HIVEP1: variants seen among roughly 807,000 people sequenced by gnomAD.
HIVEP1 encodes the protein HIVEP zinc finger 1.
Under a neutral mutation model 180.0 loss-of-function variants are expected in HIVEP1, and 36 were observed. That is an observed-to-expected ratio of 0.20 (90% CI 0.15 to 0.26). The LOEUF is 0.26. Among genes scored for constraint, HIVEP1 ranks in the 10% least tolerant of loss-of-function variants. The pLI is 1.00. For synonymous variants in HIVEP1, 1,239 were observed against 1,239.0 expected (o/e 1.00, Z 0.00); for missense variants, 3,143 against 3,268.7 (o/e 0.96, Z 0.94).
chr6:12,058,179 G>C (rs1031234970), intron 2 of HIVEP1, among the ~76,000 whole-genome samples: 2 of 152,042 alleles, frequency 1.3e-5, no homozygotes, highest in Non-Finnish European at 2.9e-5. Context: ...ATGTAAGGGG[G>C]CTTTGGTCTG....
At chr6:12,102,251 T>A (rs761770837) in intron 3 of HIVEP1, among the ~76,000 whole-genome samples, 1 of 152,168 alleles carries the variant, frequency 6.6e-6, no homozygotes, top group Admixed American at 6.5e-5. Flanking sequence ...GTAAGCCAAG[T>A]AGACCTAAAT....
chr6:12,125,414 T>C lies in HIVEP1; in HGVS notation c.5619T>C (p.Ser1873=). Residue 1873 remains serine, a synonymous_variant, in exon 4 of 9, where the codon AGT becomes AGC. Coordinates refer to ENST00000379388, the MANE Select transcript of HIVEP1 (RefSeq NM_002114.4). ...CATCATTAACTCTTACAGTTCGAAG[T>C]TCACCTGCTCCTTCAGAAAATACTC... ...SSTSLTLTVR[S]SPAPSENTHI... is the part of the protein sequence containing the mutation. 6.2e-7 allele frequency: 1 copy of C among 1,614,038 alleles called. No individual in the cohort carries two copies. Among genetic ancestry groups the C allele is most frequent in the Non-Finnish European group, 8.5e-7 (1 of 1,179,928 alleles).
intron 2 of HIVEP1, among the ~76,000 whole-genome samples, chr6:12,058,324 C>T (rs1318735275): frequency 6.6e-6 from 1 of 151,998 alleles, no homozygotes; most frequent in East Asian, 1.9e-4. Flanking sequence ...TTCATCCAGT[C>T]ATGTGTTTAG....
At chr6:12,133,670 C>T (rs1166681992) in intron 6 of HIVEP1, among the ~76,000 whole-genome samples, 1 of 152,116 alleles carries the variant, frequency 6.6e-6, no homozygotes, top group African/African-American at 2.4e-5. Flanking sequence ...CAATGGCTGT[C>T]TATCTAGGGA....
the HIVEP1 span, among the ~76,000 whole-genome samples, chr6:12,186,729 C>G: frequency 9.2e-5 from 14 of 152,024 alleles, no homozygotes; most frequent in Middle Eastern, 3.2e-3. Context: ...ATGAAAGTTA[C>G]TAGACATGCA....
At chr6:12,167,656 T>TAA (rs1196803171), downstream of HIVEP1, among the ~76,000 whole-genome samples, 1 of 109,026 alleles carries the variant, frequency 9.2e-6, no homozygotes, top group Non-Finnish European at 2.0e-5. Context: ...CATATATATG[T>TAA]TATATATACA....
Position 12,122,433 on chromosome 6 carries a change from G to A in HIVEP1, c.2638G>A (p.Val880Ile), listed in dbSNP as rs575359353. Residue 880 changes from valine to isoleucine, a missense_variant, in exon 4 of 9, where the codon GTA becomes ATA. Physicochemically the swap from Val to Ile is conservative, Grantham distance 29. Around this residue, in one of 12 missense-constraint regions of HIVEP1, gnomAD observed 204 missense variants for 243.7 expected, o/e 0.84. Transcript: ENST00000379388. Reference sequence around the variant, plus strand: ...TGGCGCTTTCTATGATGATGTCTTTGTATCGGGACCTAACGCTCCTGTGCC... The same window carrying A: ...TGGCGCTTTCTATGATGATGTCTTTATATCGGGACCTAACGCTCCTGTGCC... ...KIGAFYDDVF[V>I]SGPNAPVPQS... is the part of the protein sequence containing the mutation. 6.2e-7 allele frequency: 1 copy of A among 1,614,226 alleles called. No individual in the cohort carries two copies. The highest frequency in any genetic ancestry group is 8.5e-7 in the Non-Finnish European group (1 of 1,180,040).
chr6:12,167,312 A>C (rs1224095892), downstream of HIVEP1, among the ~76,000 whole-genome samples: 1 of 151,900 alleles, frequency 6.6e-6, no homozygotes, highest in Non-Finnish European at 1.5e-5. Flanking sequence ...AAATTATAAC[A>C]TCAGGGTTCT....
intron 2 of HIVEP1, among the ~76,000 whole-genome samples, chr6:12,026,749 A>G (rs1419086174): frequency 1.3e-5 from 2 of 152,168 alleles, no homozygotes; most frequent in African/African-American, 2.4e-5. Context: ...CACCCAGGAA[A>G]CTGGTAACAG....
intron 2 of HIVEP1, among the ~76,000 whole-genome samples, chr6:12,077,531 G>C (rs559001203): frequency 1.3e-5 from 2 of 152,176 alleles, no homozygotes; most frequent in Non-Finnish European, 2.9e-5. Context: ...GAAGTAAGGA[G>C]CCTTCTCAGG....
intron 7 of HIVEP1, among the ~76,000 whole-genome samples, chr6:12,152,426 A>G (rs1049731281): frequency 6.6e-6 from 1 of 152,010 alleles, no homozygotes; most frequent in African/African-American, 2.4e-5. Flanking sequence ...GGCAGAGGTT[A>G]AGGGGGACAG....
intron 2 of HIVEP1, among the ~76,000 whole-genome samples, chr6:12,036,167 A>G (rs139699626): frequency 3.1e-4 from 47 of 152,326 alleles, no homozygotes; most frequent in African/African-American, 1.1e-3. Context: ...AATTTATCCT[A>G]AGGAAATAAT....
chr6:12,195,986 C>G, the HIVEP1 span, among the ~76,000 whole-genome samples: 2 of 152,144 alleles, frequency 1.3e-5, no homozygotes, highest in Non-Finnish European at 2.9e-5. Flanking sequence ...GGGAGTTCAG[C>G]CAGGCATTTG....
chr6:12,183,771 C>T, the HIVEP1 span, among the ~76,000 whole-genome samples: 2 of 151,932 alleles, frequency 1.3e-5, no homozygotes, highest in South Asian at 2.1e-4. Flanking sequence ...TTAACTATAT[C>T]GTAATAATTT....
chr6:12,039,162 A>T (rs1769499950), intron 2 of HIVEP1: 1 of 152,360 alleles, frequency 6.6e-6, no homozygotes, highest in Admixed American at 6.5e-5. Context: ...GTGATTATGT[A>T]AAAAACCAGG....
At chr6:12,208,486 A>G in the HIVEP1 span, among the ~76,000 whole-genome samples, 1 of 152,198 alleles carries the variant, frequency 6.6e-6, no homozygotes, top group Non-Finnish European at 1.5e-5. Context: ...CCACCACAGT[A>G]TGAGCGGCCA....
Position 12,121,357 on chromosome 6 carries a change from G to A in HIVEP1, c.1562G>A (p.Arg521Lys). ...CTGCAGCCTGTGCACATAATAAAGA[G>A]GATGTCAAATGCTGAAACTTTACTA... ...MELQPVHIIK[R>K]MSNAETLLKS... Residue 521 changes from arginine (R) to lysine (K), a missense_variant, in exon 4 of 9, where the codon AGG becomes AAG. Around this residue, in one of 12 missense-constraint regions of HIVEP1, gnomAD observed 365 missense variants for 344.4 expected, o/e 1.06. Coordinates refer to ENST00000379388, the MANE Select transcript of HIVEP1 (RefSeq NM_002114.4). This position sits in a 1 kb window ranked among gnomAD's most constrained non-coding sequence, Gnocchi z 5.3. The A allele has an allele frequency of 6.2e-7, 1 of 1,614,116 alleles. No homozygotes were observed. Among genetic ancestry groups the A allele is most frequent in the Non-Finnish European group, 8.5e-7 (1 of 1,180,030 alleles).
chr6:12,152,364 T>C (rs1403636519), intron 7 of HIVEP1, among the ~76,000 whole-genome samples: 1 of 152,078 alleles, frequency 6.6e-6, no homozygotes, highest in Non-Finnish European at 1.5e-5. Flanking sequence ...TTCTGGGTCT[T>C]TTATCAGTAC....
At chr6:12,130,546 AC>A (rs1758362063) in intron 5 of HIVEP1, among the ~76,000 whole-genome samples, 1 of 152,270 alleles carries the variant, frequency 6.6e-6, no homozygotes, top group South Asian at 2.1e-4. Context: ...TAAAAAAAAA[AC>A]AAAACAAAAT....
Sources: allele counts gnomAD v4.1 joint callset (sites outside exome capture counted in the v4.1 genomes callset), GRCh38; gene constraint gnomAD v4.1.1; regional missense constraint gnomAD v4.1.1; non-coding constraint Gnocchi (gnomAD v3.1); transcripts MANE v1.5; gene names NCBI Gene and HGNC (gene_info 2026-07-23, HGNC 2026-07-21).